ARHGEF28: variants seen among roughly 807,000 people sequenced by gnomAD.
The protein encoded by ARHGEF28 is 190 kDa guanine nucleotide exchange factor.
In ARHGEF28, 152 loss-of-function variants were observed where a neutral mutation model predicts 206.6. That is an observed-to-expected ratio of 0.74 (90% CI 0.64 to 0.84). The LOEUF is 0.84. ARHGEF28 is among the 40% of genes least tolerant of loss of function. The pLI is 0.00. For missense variants in ARHGEF28, 2,028 were observed against 2,073.2 expected (o/e 0.98, Z 0.42); for synonymous variants, 763 against 776.4 (o/e 0.98, Z 0.29).
chr5:73,913,807 A>G (rs1455479951), intron 35 of ARHGEF28, among the ~76,000 whole-genome samples: 2 of 152,172 alleles, frequency 1.3e-5, no homozygotes, highest in East Asian at 3.8e-4. Flanking sequence ...GTGGGCTGGT[A>G]TTTTAGCTAA....
intron 9 of ARHGEF28, among the ~76,000 whole-genome samples, chr5:73,831,093 G>C (rs12518783): frequency 0.1 from 15,582 of 152,122 alleles, 963 homozygotes; most frequent in East Asian, 0.2. Context: ...ACTGAACATG[G>C]TTAAAAATTG....
intron 22 of ARHGEF28, 120 bp downstream of exon 22, chr5:73,873,366 A>T (rs1206935119): frequency 1.3e-5 from 17 of 1,304,412 alleles, no homozygotes; most frequent in Non-Finnish European, 1.7e-5. Context: ...TGACATTCTG[A>T]GGATGTGTTT....
At chr5:73,663,155 C>T (rs767275295) in intron 1 of ARHGEF28, among the ~76,000 whole-genome samples, 3 of 152,058 alleles carry the variant, frequency 2.0e-5, no homozygotes, top group Non-Finnish European at 2.9e-5. Flanking sequence ...AAGGTTTTGC[C>T]GTGTTGGCCA....
chr5:73,798,427 G>A (rs1754950134), intron 9 of ARHGEF28, among the ~76,000 whole-genome samples: 1 of 152,136 alleles, frequency 6.6e-6, no homozygotes, highest in African/African-American at 2.4e-5. Context: ...AATGATGGTT[G>A]GAGAAATGTC....
chr5:73,834,943 G>C (rs1447931332), intron 10 of ARHGEF28: 1 of 152,082 alleles, frequency 6.6e-6, no homozygotes, highest in African/African-American at 2.4e-5. Flanking sequence ...CTTATCCTTG[G>C]AGTCTCCAAA....
chr5:73,823,698 T>C (rs572930347), intron 9 of ARHGEF28, among the ~76,000 whole-genome samples: 1 of 152,358 alleles, frequency 6.6e-6, no homozygotes, highest in South Asian at 2.1e-4. Flanking sequence ...AACACATTAA[T>C]GAAACTTCTT....
In ARHGEF28 at chr5:73,894,434, G is replaced by A; in HGVS notation, c.3700G>A (p.Glu1234Lys). 1 of 1,613,524 alleles carries A rather than the reference G, an allele frequency of 6.2e-7. No individual in the cohort carries two copies. Among genetic ancestry groups the A allele is most frequent in the Non-Finnish European group, 8.5e-7 (1 of 1,179,694 alleles). ...NQDQQICAYLEEKLHIYAELG... is the reference protein window; with the variant it reads ...NQDQQICAYLKEKLHIYAELG... ...AGACCAACAAATTTGTGCGTATTTG[G>A]AGGAGAAGCTGCATATCTATGCTGA... The change falls in exon 29 of 36, where the codon GAG (glutamate) becomes AAG (lysine). Residue 1234 changes from glutamate (E) to lysine (K), a missense_variant. By Grantham distance (56) the Glu-to-Lys change is moderately conservative (BLOSUM62 1). Coordinates refer to ENST00000513042, the MANE Select transcript of ARHGEF28 (RefSeq NM_001177693.2).
At chr5:73,907,644 AAAGTT>A (rs1412699775) in intron 33 of ARHGEF28, among the ~76,000 whole-genome samples, 1 of 152,246 alleles carries the variant, frequency 6.6e-6, no homozygotes, top group African/African-American at 2.4e-5. Flanking sequence ...CTAGCAAAGT[AAAGTT>A]AAGAGAGTGA....
chr5:73,811,819 C>A (rs955799731), intron 9 of ARHGEF28, among the ~76,000 whole-genome samples: 1 of 151,956 alleles, frequency 6.6e-6, no homozygotes, highest in Non-Finnish European at 1.5e-5. Flanking sequence ...CACATCTCTA[C>A]TAAAAATACA....
At chr5:73,741,379 GTGTGTGTATATATATATATA>G (rs1751396931) in intron 2 of ARHGEF28, among the ~76,000 whole-genome samples, 13 of 37,642 alleles carry the variant, frequency 3.5e-4, no homozygotes, top group Non-Finnish European at 5.7e-4. Context: ...GTGTGTGTGT[GTGTGTGTATATATATATATA>G]TATATATATA....
At chr5:73,657,065 TG>T (rs1319527215) in intron 1 of ARHGEF28, among the ~76,000 whole-genome samples, 1 of 150,368 alleles carries the variant, frequency 6.7e-6, no homozygotes, top group Non-Finnish European at 1.5e-5. Flanking sequence ...CCCAGCTACT[TG>T]GGAGTCTGAG....
intron 11 of ARHGEF28, among the ~76,000 whole-genome samples, chr5:73,845,578 C>T (rs1338980354): frequency 1.3e-5 from 2 of 152,132 alleles, no homozygotes; most frequent in Non-Finnish European, 2.9e-5. Context: ...TCTGTTTCCA[C>T]CAGCATTTAA....
chr5:73,928,609 G>C lies in ARHGEF28; in HGVS notation c.4949-12235G>C, dbSNP rs79743986. ...TGTATGCTTAAGAATTTTAACAGCTGTTTTTCCCTCTACTGAACCAGTAAG... is the reference window on the plus strand; with the variant it reads ...TGTATGCTTAAGAATTTTAACAGCTCTTTTTCCCTCTACTGAACCAGTAAG... On this transcript the variant is annotated intron_variant, in intron 35 of 35. Transcript: ENST00000513042. 3.9e-5 allele frequency among the ~76,000 whole-genome samples: 6 copies of C among 152,188 alleles called. No individual in the cohort carries two copies. In the East Asian group the frequency reaches 1.2e-3, roughly 29 times the overall value.
intron 35 of ARHGEF28, among the ~76,000 whole-genome samples, chr5:73,925,647 T>C (rs538717908): frequency 6.6e-6 from 1 of 152,180 alleles, no homozygotes; most frequent in Non-Finnish European, 1.5e-5. Flanking sequence ...AAGCAGCGAC[T>C]CCTCTGCAAT....
intron 1 of ARHGEF28, among the ~76,000 whole-genome samples, chr5:73,631,560 T>G (rs1460141905): frequency 6.6e-6 from 1 of 152,184 alleles, no homozygotes; most frequent in Non-Finnish European, 1.5e-5. Flanking sequence ...AAAGAGGTGA[T>G]TCTAATGTAC....
chr5:73,663,862 T>C (rs772913410), intron 1 of ARHGEF28, among the ~76,000 whole-genome samples: 1 of 152,284 alleles, frequency 6.6e-6, no homozygotes, highest in Non-Finnish European at 1.5e-5. Context: ...GAGAAATTTG[T>C]AGTTCTTGTT....
At chr5:73,749,423 C>G (rs1469134215) in intron 2 of ARHGEF28, among the ~76,000 whole-genome samples, 1 of 152,098 alleles carries the variant, frequency 6.6e-6, no homozygotes, top group Non-Finnish European at 1.5e-5. Context: ...CCCCAGCTAC[C>G]AGGGAGGCTG....
intron 9 of ARHGEF28, among the ~76,000 whole-genome samples, chr5:73,821,932 A>G (rs758996425): frequency 2.6e-5 from 4 of 152,158 alleles, no homozygotes; most frequent in Non-Finnish European, 4.4e-5. Context: ...TGCTACTACA[A>G]TGCGGAGTGA....
In ARHGEF28 at chr5:73,791,395, C is replaced by T. The variant is rs952482945; in HGVS notation, c.911-3007C>T. The stretch of plus-strand genomic sequence containing the variant: ...GGGGGCAGGCAGAGCAAACTGAGAG[C>T]ATGATCCTGGTTTTCCACCTGTGCT... On this transcript the variant is annotated intron_variant, in intron 7 of 35. Transcript: ENST00000513042. 2.0e-5 allele frequency among the ~76,000 whole-genome samples: 3 copies of T among 152,244 alleles called. No individual in the cohort carries two copies. The South Asian group carries it at 6.2e-4, about 31-fold the overall frequency.
Sources: allele counts gnomAD v4.1 joint callset (sites outside exome capture counted in the v4.1 genomes callset), GRCh38; gene constraint gnomAD v4.1.1; transcripts MANE v1.5; gene names NCBI Gene and HGNC (gene_info 2026-07-23, HGNC 2026-07-21).